The following SUGCT variants were observed in gnomAD, a reference collection of about 807,000 sequenced individuals.
The protein encoded by SUGCT is succinyl-CoA:glutarate CoA-transferase.
A neutral mutation model predicts 55.0 loss-of-function variants in SUGCT; 41 were observed. The ratio of observed to expected loss-of-function variants is 0.74; its 90% confidence interval spans 0.58 to 0.97. SUGCT has a LOEUF of 0.97. SUGCT is among the 50% of genes least tolerant of loss of function. The pLI is 0.00. For synonymous variants in SUGCT, 187 were observed against 200.4 expected (o/e 0.93, Z 0.56); for missense variants, 568 against 547.8 (o/e 1.04, Z -0.37).
At chr7:40,528,993 G>A (rs1255505010) in intron 12 of SUGCT, among the ~76,000 whole-genome samples, 1 of 152,132 alleles carries the variant, frequency 6.6e-6, no homozygotes, top group African/African-American at 2.4e-5. Context: ...ATTAGAACTC[G>A]ATATGGGGAT....
chr7:41,004,222 G>T, the SUGCT span, among the ~76,000 whole-genome samples: 20 of 152,158 alleles, frequency 1.3e-4, 1 homozygote, highest in Admixed American at 3.3e-4. Context: ...TAGATTCGCT[G>T]ACTGCTTCTC....
At chr7:40,286,267 C>T (rs528527014) in intron 8 of SUGCT, among the ~76,000 whole-genome samples, 2 of 152,136 alleles carry the variant, frequency 1.3e-5, no homozygotes, top group Non-Finnish European at 2.9e-5. Context: ...AACAGGGGCA[C>T]TTGTGTTAGG....
chr7:40,771,660 C>G (rs1789111960), intron 13 of SUGCT, among the ~76,000 whole-genome samples: 1 of 151,932 alleles, frequency 6.6e-6, no homozygotes, highest in Non-Finnish European at 1.5e-5. Flanking sequence ...CTTACGGATA[C>G]TATTTTGATT....
chr7:40,402,143 T>C (rs996316805), intron 9 of SUGCT, among the ~76,000 whole-genome samples: 20 of 152,144 alleles, frequency 1.3e-4, no homozygotes, highest in African/African-American at 4.8e-4. Context: ...ATCCCTTTTT[T>C]TTTTCAAATG....
intron 12 of SUGCT, among the ~76,000 whole-genome samples, chr7:40,738,308 T>G (rs532888674): frequency 3.3e-5 from 5 of 152,108 alleles, no homozygotes; most frequent in Admixed American, 6.6e-5. Context: ...AGATGGGAAT[T>G]TTTTTATAGG....
intron 3 of SUGCT, among the ~76,000 whole-genome samples, chr7:40,182,364 C>T (rs112060484): frequency 0.043 from 6,471 of 151,970 alleles, 465 homozygotes; most frequent in African/African-American, 0.15. Flanking sequence ...GTCAGGACTT[C>T]GAGACCAGCC....
intron 11 of SUGCT, among the ~76,000 whole-genome samples, chr7:40,494,061 T>C (rs775471365): frequency 3.5e-4 from 53 of 152,278 alleles, no homozygotes; most frequent in South Asian, 2.7e-3. Context: ...AATAAATCCC[T>C]CTCTTTTGCC....
intron 1 of SUGCT, among the ~76,000 whole-genome samples, chr7:40,143,109 C>T (rs1788072327): frequency 6.6e-6 from 1 of 152,074 alleles, no homozygotes; most frequent in Non-Finnish European, 1.5e-5. Context: ...TTTTTCCTTC[C>T]TCTGCTTGAT....
chr7:40,528,892 G>A (rs1451066844), intron 12 of SUGCT, among the ~76,000 whole-genome samples: 4 of 152,176 alleles, frequency 2.6e-5, no homozygotes. Context: ...TAGCAAGATG[G>A]CAGTCTTCAA....
rs551561582 is a variant in SUGCT, at chr7:40,790,241, A to T, written c.1153+40744A>T. 3.3e-5 allele frequency among the ~76,000 whole-genome samples: 5 copies of T among 152,162 alleles called. No individual in the cohort carries two copies. The South Asian group carries it at 1.0e-3, about 32-fold the overall frequency. On this transcript the variant is annotated intron_variant, in intron 13 of 13. Coordinates refer to ENST00000335693, the MANE Select transcript of SUGCT (RefSeq NM_001193313.2). ...TTCTCATGCTAGTGAGTGAGTTCTCACCAGATCTGAATGTTTTATAAGGGG... is the reference window on the plus strand; with the variant it reads ...TTCTCATGCTAGTGAGTGAGTTCTCTCCAGATCTGAATGTTTTATAAGGGG...
intron 11 of SUGCT, among the ~76,000 whole-genome samples, chr7:40,478,794 CT>C: frequency 6.6e-6 from 1 of 152,168 alleles, no homozygotes; most frequent in African/African-American, 2.4e-5. Context: ...ATAACAGAAA[CT>C]TTGTACCCCT....
At chr7:40,458,894 A>G (rs1316738320) in intron 10 of SUGCT, among the ~76,000 whole-genome samples, 1 of 152,142 alleles carries the variant, frequency 6.6e-6, no homozygotes, top group Non-Finnish European at 1.5e-5. Context: ...TAAATGTAGT[A>G]AAAGCCTCTT....
At chr7:40,184,129 C>T (rs1265107751) in intron 3 of SUGCT, among the ~76,000 whole-genome samples, 1 of 152,110 alleles carries the variant, frequency 6.6e-6, no homozygotes, top group Non-Finnish European at 1.5e-5. Context: ...GAGTCGAGAC[C>T]ATGCCATTGC....
intron 13 of SUGCT, among the ~76,000 whole-genome samples, chr7:40,828,407 C>T (rs1316525345): frequency 2.0e-5 from 3 of 152,022 alleles, no homozygotes; most frequent in African/African-American, 7.2e-5. Flanking sequence ...TCCTTTCTCT[C>T]CAATAGCTTT....
chr7:40,419,957 C>A (rs1583639208), intron 9 of SUGCT, among the ~76,000 whole-genome samples: 1 of 152,316 alleles, frequency 6.6e-6, no homozygotes, highest in African/African-American at 2.4e-5. Flanking sequence ...TGGCAAGTTA[C>A]AGAAACAGGA....
Position 40,194,905 on chromosome 7 carries a change from G to A in SUGCT, c.364-35G>A, listed in dbSNP as rs76039813. On this transcript the variant is annotated intron_variant, in intron 5 of 13. Coordinates refer to ENST00000335693, the MANE Select transcript of SUGCT (RefSeq NM_001193313.2). ...ATTCTATCATGTGGGGATTTGTTGA[G>A]TGGAAGTCTGACTCATGTTCACCTC... 2.5e-6 allele frequency: 4 copies of A among 1,599,572 alleles called. No homozygotes were observed. The African/African-American group carries it at 5.4e-5, about 21-fold the overall frequency.
the SUGCT span, among the ~76,000 whole-genome samples, chr7:41,030,484 A>G: frequency 6.6e-6 from 1 of 152,224 alleles, no homozygotes; most frequent in Non-Finnish European, 1.5e-5. Context: ...TGGTTATAAA[A>G]TAATAAGCAA....
chr7:40,403,009 G>A lies in SUGCT; in HGVS notation c.817-46278G>A, dbSNP rs1786165004. Reference sequence around the variant, plus strand: ...TAGAGGCAGCCCACGGCATGATTATGTGCACAGGGGCATTGTCTGGTCTCA... The same window carrying A: ...TAGAGGCAGCCCACGGCATGATTATATGCACAGGGGCATTGTCTGGTCTCA... On this transcript the variant is annotated intron_variant, in intron 9 of 13. Transcript: ENST00000335693. Among the ~76,000 whole-genome samples the A allele has an allele frequency of 2.0e-5, 3 of 152,306 alleles. No homozygotes were observed. In the South Asian group the frequency reaches 6.2e-4, roughly 32 times the overall value.
At chr7:40,496,162 A>G (rs989230618) in intron 11 of SUGCT, 122 bp from the exon 12 acceptor site, 3 of 637,194 alleles carry the variant, frequency 4.7e-6, no homozygotes, top group Admixed American at 5.7e-5. Context: ...AATGAGGTGT[A>G]AAGAAAGACT....
Sources: gnomAD v4.1 joint callset for allele counts (sites outside exome capture counted in the v4.1 genomes callset) on GRCh38, gnomAD v4.1.1 for gene constraint, MANE v1.5 for transcripts, NCBI Gene and HGNC (gene_info 2026-07-23, HGNC 2026-07-21) for gene names.